The following LUC7L3 variants were observed in gnomAD, a reference collection of about 807,000 sequenced individuals.
The protein encoded by LUC7L3 is LUC7 like 3 pre-mRNA splicing factor, also known as luc7-like protein 3.
Under a neutral mutation model 66.8 loss-of-function variants are expected in LUC7L3, and 6 were observed. The ratio of observed to expected loss-of-function variants is 0.09; its 90% confidence interval spans 0.05 to 0.18. The LOEUF is 0.18. Among genes scored for constraint, LUC7L3 ranks in the 10% least tolerant of loss-of-function variants. The pLI, the probability that LUC7L3 is intolerant of heterozygous loss-of-function variation, is 1.00. For missense variants in LUC7L3, 341 were observed against 531.1 expected, an observed-to-expected ratio of 0.64 and a Z score of 3.52; for synonymous variants, 160 against 174.7, an observed-to-expected ratio of 0.92 and a Z score of 0.66.
chr17:50,723,477 A>ATT (rs1968932004), intron 1 of LUC7L3: 1 of 152,428 alleles, frequency 6.6e-6, no homozygotes, highest in African/African-American at 2.4e-5. Context: ...TTGCTTTAAA[A>ATT]ATGTTCAGAA....
At chr17:50,726,442 G>T (rs930101589) in intron 1 of LUC7L3, among the ~76,000 whole-genome samples, 2 of 152,178 alleles carry the variant, frequency 1.3e-5, no homozygotes, top group Non-Finnish European at 1.5e-5. Flanking sequence ...AAAGTGCTGG[G>T]ATTAGAGGTG....
Position 50,750,912 on chromosome 17 carries a change from T to G in LUC7L3, c.*251T>G. On this transcript the variant is annotated 3_prime_UTR_variant, in exon 10 of 10. Coordinates refer to ENST00000505658, the MANE Select transcript of LUC7L3 (RefSeq NM_016424.5). ...CTCGTGCCCCCATTAGTGTGCCTCT[T>G]TGGAAATTATCGCCCACATTTGTAA... 6.5e-7 allele frequency: 1 copy of G among 1,535,576 alleles called. No individual in the cohort carries two copies. Among genetic ancestry groups the G allele is most frequent in the Non-Finnish European group, 8.7e-7 (1 of 1,146,688 alleles).
rs1555608637 is a variant in LUC7L3, at chr17:50,735,248, A to AAAAAG, written c.100-1708_100-1707insGAAAA. On this transcript the variant is annotated intron_variant, in intron 1 of 9. Coordinates refer to ENST00000505658, the MANE Select transcript of LUC7L3 (RefSeq NM_016424.5). Reference sequence around the variant, plus strand: ...TCTGTCTCAAAAAAAAAAAAAAAGAAAAAAAAAACTTTCGTGTCTGTGAGG... The same window carrying AAAAAG: ...TCTGTCTCAAAAAAAAAAAAAAAGAAAAAAGAAAAAAAACTTTCGTGTCTGTGAGG... 2.2e-3 allele frequency among the ~76,000 whole-genome samples: 327 copies of AAAAAG among 147,802 alleles called. 1 individual carries two copies. Among genetic ancestry groups the AAAAAG allele is most frequent in the African/African-American group, 7.5e-3 (299 of 39,942 alleles).
At chr17:50,728,539 G>A (rs564321363) in intron 1 of LUC7L3, among the ~76,000 whole-genome samples, 19 of 152,192 alleles carry the variant, frequency 1.2e-4, no homozygotes, top group South Asian at 4.1e-4. Flanking sequence ...AGACTACAGC[G>A]TGTAGGGTTG....
intron 1 of LUC7L3, among the ~76,000 whole-genome samples, chr17:50,721,396 T>G (rs1968753157): frequency 1.3e-5 from 2 of 152,200 alleles, no homozygotes; most frequent in Admixed American, 6.5e-5. Context: ...GGTTTATGAC[T>G]CTTCAATGAT....
rs1246499016 is a variant in LUC7L3 at position 50,750,607 on chromosome 17, G to C, written c.1245G>C (p.Glu415Asp). The C allele has an allele frequency of 1.2e-6, 2 of 1,613,904 alleles. No homozygotes were observed. Among genetic ancestry groups the C allele is most frequent in the Non-Finnish European group, 1.7e-6 (2 of 1,179,988 alleles). Residue 415 changes from glutamate to aspartate, a missense_variant, in exon 10 of 10, where the codon GAG becomes GAC. Transcript: ENST00000505658. ...TESKESDTKN[E>D]VNGTSEDIKS... ...CGAAGGAAAGTGATACTAAGAATGA[G>C]GTCAATGGGACCAGTGAAGACATTA...
Position 50,752,210 on chromosome 17 carries a change from C to A in LUC7L3, c.*1549C>A. ...AATTTTGCGTTGTAGGACTACTGTT[C>A]GAAGATTTTTGGAAGAATACTGAGA... On this transcript the variant is annotated 3_prime_UTR_variant, in exon 10 of 10. Coordinates refer to ENST00000505658, the MANE Select transcript of LUC7L3 (RefSeq NM_016424.5). 1 of 1,282,770 alleles carries A rather than the reference C, an allele frequency of 7.8e-7. No individual in the cohort carries two copies. The highest frequency in any genetic ancestry group is 1.3e-5 in the South Asian group (1 of 79,808). 79.5% of individuals were successfully genotyped at this position (1,282,770 alleles called of 1,614,324 possible). A position where few individuals can be genotyped will look rare whatever the true frequency, so the allele number is the denominator to read the frequency against.
intron 1 of LUC7L3, among the ~76,000 whole-genome samples, chr17:50,729,899 TATATATATATATATATATATATATATA>T (rs1969456927): frequency 1.4e-4 from 2 of 14,260 alleles, no homozygotes; most frequent in Non-Finnish European, 3.0e-4. Flanking sequence ...AAATACATTA[TATATATATATATATATATATATATATA>T]TATATATATA....
chr17:50,733,692 T>C (rs940624642), intron 1 of LUC7L3, among the ~76,000 whole-genome samples: 2 of 152,144 alleles, frequency 1.3e-5, no homozygotes, highest in African/African-American at 4.8e-5. Flanking sequence ...TGCAGCCAGT[T>C]CACAGTAATA....
chr17:50,720,355 C>T (rs76427291), intron 1 of LUC7L3, among the ~76,000 whole-genome samples: 4 of 152,314 alleles, frequency 2.6e-5, no homozygotes, highest in Admixed American at 6.5e-5. Flanking sequence ...AAGTATTGTT[C>T]GTTAACAGTA....
intron 1 of LUC7L3, among the ~76,000 whole-genome samples, chr17:50,727,142 C>CAA (rs1969250453): frequency 6.6e-6 from 1 of 152,028 alleles, no homozygotes; most frequent in Non-Finnish European, 1.5e-5. Flanking sequence ...TACGTGTTAA[C>CAA]CAACTGTTAG....
chr17:50,721,842 T>A (rs1200971259), intron 1 of LUC7L3, among the ~76,000 whole-genome samples: 3 of 152,070 alleles, frequency 2.0e-5, no homozygotes, highest in Non-Finnish European at 4.4e-5. Context: ...CTGTTCTATC[T>A]GGAAATTTTT....
At chr17:50,750,126 C>T (rs1737631600) in intron 9 of LUC7L3, among the ~76,000 whole-genome samples, 1 of 151,790 alleles carries the variant, frequency 6.6e-6, no homozygotes, top group Non-Finnish European at 1.5e-5. Flanking sequence ...CCATTTTTAC[C>T]CTTCTAACTT....
intron 1 of LUC7L3, among the ~76,000 whole-genome samples, chr17:50,735,266 C>A (rs183975159): frequency 2.7e-5 from 4 of 150,078 alleles, no homozygotes; most frequent in Admixed American, 2.7e-4. Context: ...ACTTTCGTGT[C>A]TGTGAGGTTG....
At chr17:50,739,052 T>C (rs1477468820) in intron 2 of LUC7L3, among the ~76,000 whole-genome samples, 2 of 152,134 alleles carry the variant, frequency 1.3e-5, no homozygotes, top group Non-Finnish European at 2.9e-5. Context: ...TTTTCAGATA[T>C]ACAGGGTCTC....
Position 50,719,731 on chromosome 17 carries a change from C to G in LUC7L3, c.-2C>G. ...TGGGAACAGCCGCCCGAAGGAAGCA[C>G]CATGATTTCGGCCGCGCAGTTGTTG... On this transcript the variant is annotated 5_prime_UTR_variant, in exon 1 of 10. Coordinates refer to ENST00000505658, the MANE Select transcript of LUC7L3 (RefSeq NM_016424.5). The G allele has an allele frequency of 1.9e-6, 3 of 1,610,800 alleles. No homozygotes were observed. The highest frequency in any genetic ancestry group is 2.5e-6 in the Non-Finnish European group (3 of 1,178,598).
Position 50,751,920 on chromosome 17 carries a change from TC to T in LUC7L3, c.*1261del, listed in dbSNP as rs1970990919. 9.7e-7 allele frequency: 1 copy of T among 1,030,194 alleles called. No homozygotes were observed. 63.8% of individuals were successfully genotyped at this position (1,030,194 alleles called of 1,614,324 possible). A position where few individuals can be genotyped will look rare whatever the true frequency, so the allele number is the denominator to read the frequency against. ...GGGCTAGTGGTGTGGGACAAAATAT[TC>T]CTAATGAAAGGAAGTACCAATTAGT... On this transcript the variant is annotated 3_prime_UTR_variant, in exon 10 of 10. Transcript: ENST00000505658.
At chr17:50,741,349 C>G (rs1970335445) in intron 4 of LUC7L3, 103 bp downstream of exon 4, 1 of 1,189,174 alleles carries the variant, frequency 8.4e-7, no homozygotes, top group East Asian at 2.6e-5. Flanking sequence ...TTACTTTGTT[C>G]TTTAAAATGA....
At chr17:50,731,181 C>CTT (rs1168061392) in intron 1 of LUC7L3, among the ~76,000 whole-genome samples, 1 of 152,036 alleles carries the variant, frequency 6.6e-6, no homozygotes, top group Non-Finnish European at 1.5e-5. Context: ...TGGGTTTATT[C>CTT]TTTTTTTGAG....
Sources: gnomAD v4.1 joint callset for allele counts (sites outside exome capture counted in the v4.1 genomes callset) on GRCh38, gnomAD v4.1.1 for gene constraint, MANE v1.5 for transcripts, NCBI Gene and HGNC (gene_info 2026-07-23, HGNC 2026-07-21) for gene names.